PIAS1: variants seen among roughly 807,000 people sequenced by gnomAD.
PIAS1 encodes protein inhibitor of activated STAT 1, also known as E3 SUMO-protein ligase PIAS1.
Under a neutral mutation model 71.3 loss-of-function variants are expected in PIAS1, and 6 were observed. The observed-to-expected ratio is 0.08, with a 90% CI of 0.05 to 0.17. The LOEUF is 0.17. Ranked by LOEUF, PIAS1 falls within the 10% of genes least tolerant of loss-of-function variation. The pLI is 1.00. For missense variants in PIAS1, 555 were observed against 793.6 expected (o/e 0.70, Z 3.61); for synonymous variants, 303 against 292.9 (o/e 1.03, Z -0.35).
rs940917465 is a variant in PIAS1, at chr15:68,171,710, CAGAAAGGCTAA to C, written c.1009-2020_1009-2010del. Among the ~76,000 whole-genome samples, 2 of 152,062 alleles carry C rather than the reference CAGAAAGGCTAA, an allele frequency of 1.3e-5. No individual in the cohort carries two copies. Among genetic ancestry groups the C allele is most frequent in the Non-Finnish European group, 2.9e-5 (2 of 68,008 alleles). On this transcript the variant is annotated intron_variant, in intron 8 of 13. Coordinates refer to ENST00000249636, the MANE Select transcript of PIAS1 (RefSeq NM_016166.3). The surrounding 1 kb of genome is among the most constrained non-coding windows in gnomAD (Gnocchi z 4.4). ...TAATTTAGAGAAAGTAAAAGAGGCC[CAGAAAGGCTAA>C]ATGCCTTTCTTAGAGACACAGTAAA...
chr15:68,055,432 C>G lies in PIAS1; in HGVS notation c.24+1082C>G, dbSNP rs181866310. On this transcript the variant is annotated intron_variant, in intron 1 of 13. Transcript: ENST00000249636. ...CCTTTTCCCCGCTTTTCTCCCACCC[C>G]AATCTTTACCTGATGATGGCTTCTT... Among the ~76,000 whole-genome samples the G allele has an allele frequency of 2.8e-4, 42 of 152,210 alleles. 2 individuals carry two copies. In the East Asian group the frequency reaches 3.7e-3, roughly 13 times the overall value.
intron 2 of PIAS1, among the ~76,000 whole-genome samples, chr15:68,116,255 A>G (rs925951192): frequency 2.0e-5 from 3 of 151,840 alleles, no homozygotes; most frequent in Non-Finnish European, 2.9e-5. Flanking sequence ...GAAGTTATCA[A>G]ATTACAAATT....
intron 2 of PIAS1, among the ~76,000 whole-genome samples, chr15:68,112,533 C>G (rs747182438): frequency 1.3e-5 from 2 of 151,992 alleles, no homozygotes; most frequent in African/African-American, 4.8e-5. Context: ...TAGTCATTTC[C>G]CAGTTTGGAA....
At chr15:68,145,115 T>TTTATGAA (rs1429510648) in intron 4 of PIAS1, among the ~76,000 whole-genome samples, 1 of 152,190 alleles carries the variant, frequency 6.6e-6, no homozygotes, top group African/African-American at 2.4e-5. Flanking sequence ...AGACTGAGAA[T>TTTATGAA]TTATGAATTA....
intron 11 of PIAS1, among the ~76,000 whole-genome samples, chr15:68,177,384 G>A (rs1054552065): frequency 3.3e-5 from 5 of 151,392 alleles, no homozygotes; most frequent in African/African-American, 9.7e-5. Context: ...AAACTGGAAT[G>A]TATGCTGTAA....
chr15:68,160,630 CT>C (rs1462084428), intron 7 of PIAS1, among the ~76,000 whole-genome samples: 1 of 152,114 alleles, frequency 6.6e-6, no homozygotes, highest in Non-Finnish European at 1.5e-5. Flanking sequence ...GAATTTATTT[CT>C]GTAATACGAA....
At position 68,187,119 on chromosome 15, in the gene PIAS1, G is replaced by A. The variant is rs1351209873; in HGVS notation, c.1663-423G>A. Among the ~76,000 whole-genome samples the A allele has an allele frequency of 6.6e-6, 1 of 152,148 alleles. No homozygotes were observed. Among genetic ancestry groups the A allele is most frequent in the Admixed American group, 6.5e-5 (1 of 15,270 alleles). On this transcript the variant is annotated intron_variant, in intron 13 of 13. Transcript: ENST00000249636. This position sits in a 1 kb window ranked among gnomAD's most constrained non-coding sequence, Gnocchi z 5.3. ...TGCCTGAGTGTATAATAAGAACAGT[G>A]TCTGTTGGTTTCCAGTACTGTTTTA... is the stretch of plus-strand genomic sequence containing the variant.
chr15:68,097,959 T>C (rs935522781), intron 2 of PIAS1, among the ~76,000 whole-genome samples: 2 of 152,242 alleles, frequency 1.3e-5, no homozygotes, highest in African/African-American at 4.8e-5. Context: ...TTCTGAATTT[T>C]ATTTTTGTTT....
At position 68,177,549 on chromosome 15, in the gene PIAS1, G is replaced by C. The variant is rs142247182; in HGVS notation, c.1481+895G>C. Among the ~76,000 whole-genome samples, 68 of 152,188 alleles carry C rather than the reference G, an allele frequency of 4.5e-4. 2 individuals carry two copies. The highest frequency in any genetic ancestry group is 3.5e-3 in the East Asian group (18 of 5,172). On this transcript the variant is annotated intron_variant, in intron 11 of 13. Coordinates refer to ENST00000249636, the MANE Select transcript of PIAS1 (RefSeq NM_016166.3). ...GAGTTTTCTCCCATATTTTCCATTA[G>C]TCTTATATCAATAACAGTGTACCTA...
intron 2 of PIAS1, among the ~76,000 whole-genome samples, chr15:68,141,491 A>G (rs1484557605): frequency 3.3e-5 from 5 of 152,188 alleles, no homozygotes; most frequent in Admixed American, 3.3e-4. Flanking sequence ...TAAACAGGAG[A>G]TGATAAAATT....
intron 4 of PIAS1, 120 bp downstream of exon 4, chr15:68,142,457 T>C: frequency 1.3e-6 from 1 of 761,384 alleles, no homozygotes. Context: ...AAAGATAATA[T>C]TCCTTATCAG....
At chr15:68,132,928 A>G (rs187837329) in intron 2 of PIAS1, among the ~76,000 whole-genome samples, 1 of 151,662 alleles carries the variant, frequency 6.6e-6, no homozygotes, top group African/African-American at 2.4e-5. Flanking sequence ...TCTGTCTCTC[A>G]TAGGTAATCA....
At position 68,187,947 on chromosome 15, in the gene PIAS1, GT is replaced by G. The variant is rs373368919; in HGVS notation, c.*120del. The G allele has an allele frequency of 1.7e-5, 16 of 967,750 alleles. No individual in the cohort carries two copies. Among genetic ancestry groups the G allele is most frequent in the East Asian group, 2.7e-5 (1 of 37,644 alleles). 59.9% of individuals were successfully genotyped at this position (967,750 alleles called of 1,614,324 possible). On this transcript the variant is annotated 3_prime_UTR_variant, in exon 14 of 14. Transcript: ENST00000249636. This position sits in a 1 kb window ranked among gnomAD's most constrained non-coding sequence, Gnocchi z 5.3. ...TCTGTTTAGAAAAGTATACAAGCGT[GT>G]TTTTTTTCCTTTTTTTAGGGAAAAA...
chr15:68,184,698 C>T (rs1454105417), intron 13 of PIAS1: 4 of 152,266 alleles, frequency 2.6e-5, no homozygotes, highest in African/African-American at 9.7e-5. Context: ...ACTTGCCAGA[C>T]AAATTTTCAA....
intron 2 of PIAS1, among the ~76,000 whole-genome samples, chr15:68,110,904 G>A (rs897282341): frequency 2.6e-5 from 4 of 152,060 alleles, no homozygotes; most frequent in African/African-American, 9.7e-5. Flanking sequence ...AATACCTCAG[G>A]TTACCTAAGA....
In PIAS1 at chr15:68,192,823, A is replaced by C. The variant is rs1023535835; in HGVS notation, c.*4988A>C. 1 of 152,216 alleles carries C rather than the reference A, an allele frequency of 6.6e-6. No individual in the cohort carries two copies. The highest frequency in any genetic ancestry group is 6.5e-5 in the Admixed American group (1 of 15,282). The allele number at this position is 152,216 out of a possible 1,614,324, so 9.4% of individuals were successfully genotyped here. On this transcript the variant is annotated 3_prime_UTR_variant, in exon 14 of 14. Coordinates refer to ENST00000249636, the MANE Select transcript of PIAS1 (RefSeq NM_016166.3). ...CAGAGAACCCACTTTTGATACATAC[A>C]TGGATGCAAATCTTTGTACTTGAAG...
At chr15:68,055,223 C>A (rs951733967) in intron 1 of PIAS1, 10 of 984,822 alleles carry the variant, frequency 1.0e-5, no homozygotes, top group Non-Finnish European at 1.2e-5. Context: ...GATGCTGTAG[C>A]TGATGGAGGT....
At position 68,182,490 on chromosome 15, in the gene PIAS1, C is replaced by CGTGTGTGTGTGA. The variant is rs1555434693; in HGVS notation, c.1625-1129_1625-1128insAGTGTGTGTGTG. ...AGTTTTGCTCTTATTGCTCAGGCTG[C>CGTGTGTGTGTGA]GTGTGTGTGTGTGTGTGTGTGTGTG... On this transcript the variant is annotated intron_variant, in intron 12 of 13. Transcript: ENST00000249636. 1.6e-5 allele frequency among the ~76,000 whole-genome samples: 2 copies of CGTGTGTGTGTGA among 123,280 alleles called. 1 individual carries two copies. Among genetic ancestry groups the CGTGTGTGTGTGA allele is most frequent in the African/African-American group, 6.4e-5 (2 of 31,330 alleles). 80.9% of individuals were successfully genotyped at this position (123,280 alleles called of 152,430 possible).
At chr15:68,128,006 C>T (rs970251374) in intron 2 of PIAS1, among the ~76,000 whole-genome samples, 2 of 152,154 alleles carry the variant, frequency 1.3e-5, no homozygotes, top group Admixed American at 1.3e-4. Flanking sequence ...TTCAAGTGAT[C>T]TGTGTGCCTC....
Sources: allele counts gnomAD v4.1 joint callset (sites outside exome capture counted in the v4.1 genomes callset), GRCh38; gene constraint gnomAD v4.1.1; non-coding constraint Gnocchi (gnomAD v3.1); transcripts MANE v1.5; gene names NCBI Gene and HGNC (gene_info 2026-07-23, HGNC 2026-07-21).